POLG: variants seen among roughly 807,000 people sequenced by gnomAD.
The protein encoded by POLG is DNA polymerase subunit gamma-1.
Under a neutral mutation model 155.4 loss-of-function variants are expected in POLG, and 110 were observed. The ratio of observed to expected loss-of-function variants is 0.71; its 90% CI spans 0.61 to 0.83. The LOEUF is 0.83. Ranked by LOEUF, POLG falls within the 40% of genes least tolerant of loss-of-function variation. POLG has a pLI of 0.00. For synonymous variants in POLG, 701 were observed against 631.5 expected, an observed-to-expected ratio of 1.11 and a Z score of -1.65; for missense variants, 1,685 against 1,627.5, an observed-to-expected ratio of 1.04 and a Z score of -0.61.
At position 89,320,755 on chromosome 15, in the gene POLG, G is replaced by A; in HGVS notation, c.2981+11C>T. The A allele has an allele frequency of 1.2e-6, 2 of 1,612,268 alleles. No individual in the cohort carries two copies. Among genetic ancestry groups the A allele is most frequent in the Non-Finnish European group, 1.7e-6 (2 of 1,179,978 alleles). ...CCTGGGTGTTAAAGTGGATGGGAGA[G>A]GGACCCTCACCAGCGGAGGCCCTTG... On this transcript the variant is annotated intron_variant, in intron 18 of 22. Transcript: ENST00000268124.
In POLG at chr15:89,327,331, A is replaced by C; in HGVS notation, c.1269T>G (p.Thr423=). The C allele has an allele frequency of 6.2e-7, 1 of 1,613,804 alleles. No homozygotes were observed. The highest frequency in any genetic ancestry group is 8.5e-7 in the Non-Finnish European group (1 of 1,180,024). ...LFLERCPHPV[T]LAGMLEMGVS... Reference sequence around the variant, plus strand: ...CACCCATCTCCAGCATGCCGGCCAGAGTCACTGGGTGGGGACACCTTGGAG... The same window carrying C: ...CACCCATCTCCAGCATGCCGGCCAGCGTCACTGGGTGGGGACACCTTGGAG... The change falls in exon 7 of 23, where the codon ACT becomes ACG. Residue 423 remains threonine (T), a synonymous_variant. Coordinates refer to ENST00000268124, the MANE Select transcript of POLG (RefSeq NM_002693.3).
At chr15:89,327,126 C>T (rs780015003) in intron 7 of POLG, 41 bp downstream of exon 7, 4 of 1,614,040 alleles carry the variant, frequency 2.5e-6, no homozygotes. Flanking sequence ...GCCCACCTGC[C>T]AGTCCCCTGC....
rs200228134 is a variant in POLG at position 89,325,131 on chromosome 15, A to T, written c.1949+319T>A. 6.5e-3 allele frequency among the ~76,000 whole-genome samples: 291 copies of T among 44,534 alleles called. 26 individuals carry two copies. Among genetic ancestry groups the T allele is most frequent in the African/African-American group, 0.034 (188 of 5,556 alleles). The allele number at this position is 44,534 out of a possible 152,430, so 29.2% of individuals were successfully genotyped here. ...GAGAGAGAGTGAGTGAGTGAGTGAG[A>T]GAGTGAGTGAGAGAGTGAGTGAGTG... On this transcript the variant is annotated intron_variant, in intron 10 of 22. Transcript: ENST00000268124.
At chr15:89,328,078 T>C (rs1267479565) in intron 6 of POLG, among the ~76,000 whole-genome samples, 1 of 151,060 alleles carries the variant, frequency 6.6e-6, no homozygotes, top group Admixed American at 6.6e-5. Context: ...CCCTTCTTTT[T>C]TCTTTCCATA....
Position 89,325,506 on chromosome 15 carries a change from C to T in POLG, c.1893G>A (p.Leu631=), listed in dbSNP as rs1200249501. The T allele has an allele frequency of 1.9e-6, 3 of 1,610,624 alleles. No homozygotes were observed. Among genetic ancestry groups the T allele is most frequent in the Admixed American group, 3.3e-5 (2 of 60,000 alleles). The change falls in exon 10 of 23, where the codon CTG becomes CTA. Residue 631 remains leucine, a synonymous_variant. Transcript: ENST00000268124. ...GGGTGGTACCTGTCGGCAGCTTGGC[C>T]AGGTTGTCCCGCCGCCCAGGCACCA... ...GYLVPGRRDN[L]AKLPTGTTLE...
At chr15:89,329,187 T>A in intron 3 of POLG, 77 bp from the exon 4 acceptor site, 1 of 1,296,590 alleles carries the variant, frequency 7.7e-7, no homozygotes, top group South Asian at 1.2e-5. Flanking sequence ...TGCTTGGTGG[T>A]GTGGACCTCC....
rs577876203 is a variant in POLG at position 89,329,618 on chromosome 15, C to G, written c.855+463G>C. 5.3e-5 allele frequency among the ~76,000 whole-genome samples: 8 copies of G among 152,334 alleles called. No homozygotes were observed. The East Asian group carries it at 1.5e-3, about 29-fold the overall frequency. On this transcript the variant is annotated intron_variant, in intron 3 of 22. Transcript: ENST00000268124. ...ACACTTTTCATAAAATTAAGAATTG[C>G]CACTACTATACACCAGGCAGAGTGC...
At chr15:89,328,319 C>T (rs928655259) in intron 6 of POLG, 137 bp downstream of exon 6, 1 of 732,476 alleles carries the variant, frequency 1.4e-6, no homozygotes, top group Non-Finnish European at 2.5e-6. Context: ...CACCACTGAA[C>T]AGAAGGGCTC....
At chr15:89,334,439 C>T (rs993770917) in intron 1 of POLG, 2 of 151,154 alleles carry the variant, frequency 1.3e-5, no homozygotes, top group Admixed American at 6.6e-5. Flanking sequence ...GCCGCCGTCC[C>T]CCGGGACCCA....
At position 89,322,814 on chromosome 15, in the gene POLG, C is replaced by T. The variant is rs149058889; in HGVS notation, c.2354G>A (p.Gly785Asp). The T allele has an allele frequency of 4.3e-5, 70 of 1,614,018 alleles. No homozygotes were observed. Among genetic ancestry groups the T allele is most frequent in the Non-Finnish European group, 5.8e-5 (68 of 1,180,014 alleles). The change falls in exon 14 of 23, where the codon GGT becomes GAT. Residue 785 changes from glycine to aspartate, a missense_variant. Physicochemically the swap from Gly to Asp is moderately conservative, Grantham distance 94. Around this residue, in one of 3 missense-constraint regions of POLG, gnomAD observed 1,210 missense variants for 1,167.1 expected, o/e 1.04. Transcript: ENST00000268124. ...EDGTLQAGPG[G>D]ASGPRALEIN... is the part of the protein sequence containing the mutation. Reference sequence around the variant, plus strand: ...TTCCAGAGCACGGGGCCCACTGGCACCTCCTGGGCCAGCCTGCAGGGTGCC... The same window carrying T: ...TTCCAGAGCACGGGGCCCACTGGCATCTCCTGGGCCAGCCTGCAGGGTGCC...
chr15:89,323,884 G>C lies in POLG; in HGVS notation c.2088C>G (p.Tyr696Ter). Residue 696 changes from tyrosine (Y) to a stop codon, truncating the protein, a stop_gained, in exon 12 of 23, where the codon TAC becomes TAG. Transcript: ENST00000268124. LOFTEE classifies it high-confidence loss of function. ...AIWQTVEELD[Y>*]LEVEAEAKME... ...TCTTGGCCTCAGCCTCCACTTCTAA[G>C]TAATCCAGTTCTTCTACCTGGAGCA... 2 of 1,613,848 alleles carry C rather than the reference G, an allele frequency of 1.2e-6. No homozygotes were observed. Among genetic ancestry groups the C allele is most frequent in the Non-Finnish European group, 1.7e-6 (2 of 1,179,698 alleles).
intron 2 of POLG, among the ~76,000 whole-genome samples, chr15:89,332,577 G>C (rs2055607360): frequency 6.7e-6 from 1 of 149,030 alleles, no homozygotes; most frequent in Non-Finnish European, 1.5e-5. Context: ...CACCTCAAGG[G>C]GGCGTCTGGA....
At chr15:89,325,219 TGAGAGAGTGAGTGA>T (rs1567189847) in intron 10 of POLG, among the ~76,000 whole-genome samples, 2 of 40,268 alleles carry the variant, frequency 5.0e-5, no homozygotes, top group African/African-American at 2.0e-4. Flanking sequence ...AGTGAGTGAG[TGAGAGAGTGAGTGA>T]GAGAGTGAGT....
At position 89,318,596 on chromosome 15, in the gene POLG, C is replaced by T. The variant is rs765123635; in HGVS notation, c.3427G>A (p.Glu1143Lys). 6.2e-7 allele frequency: 1 copy of T among 1,614,126 alleles called. No homozygotes were observed. Among genetic ancestry groups the T allele is most frequent in the Non-Finnish European group, 8.5e-7 (1 of 1,180,010 alleles). ...AGGGCAGCGCGGTAGCGGTCCTCCT[C>T]CCGCACCAGGTAGCGAACCTCGTCA... ...IHDEVRYLVR[E>K]EDRYRAALAL... is the part of the protein sequence containing the mutation. The change falls in exon 21 of 23, where the codon GAG (glutamate) becomes AAG (lysine). Residue 1143 changes from glutamate to lysine, a missense_variant. This residue lies in a region of POLG where 470 missense variants were observed against 439.9 expected (regional missense o/e 1.07). Transcript: ENST00000268124.
chr15:89,325,069 T>TGAGTGAGTGAGTGAGTGAGTGAGTGAGA (rs2055460832), intron 10 of POLG, among the ~76,000 whole-genome samples: 1 of 86,732 alleles, frequency 1.2e-5, no homozygotes, highest in African/African-American at 6.7e-5. Context: ...AGTGAGTGAG[T>TGAGTGAGTGAGTGAGTGAGTGAGTGAGA]GAGTGAGTGA....
At chr15:89,325,055 A>AGTGAGTGG (rs2055457168) in intron 10 of POLG, among the ~76,000 whole-genome samples, 1 of 114,408 alleles carries the variant, frequency 8.7e-6, no homozygotes, top group African/African-American at 4.4e-5. Flanking sequence ...TGAGTGAGTG[A>AGTGAGTGG]GAGAGTGAGT....
In POLG at chr15:89,325,663, CG is replaced by C; in HGVS notation, c.1735del (p.Arg579GlyfsTer2). The C allele has an allele frequency of 6.2e-7, 1 of 1,609,926 alleles. No homozygotes were observed. ...HPGWYRKLCP[R>X]LDDPAWTPGP... ...CGGGGTCCATGCAGGGTCGTCTAGC[CG>C]GGGGCAGAGCTTCCGGTACCATCTA... On this transcript the variant is annotated frameshift_variant, in exon 10 of 23. Coordinates refer to ENST00000268124, the MANE Select transcript of POLG (RefSeq NM_002693.3). LOFTEE classifies it high-confidence loss of function.
Position 89,325,045 on chromosome 15 carries a change from T to TGAGTGAGTGAGTGAGAGAGTGAGA in POLG, c.1949+404_1949+405insTCTCACTCTCTCACTCACTCACTC. Among the ~76,000 whole-genome samples, 2 of 114,696 alleles carry TGAGTGAGTGAGTGAGAGAGTGAGA rather than the reference T, an allele frequency of 1.7e-5. 1 individual carries two copies. Among genetic ancestry groups the TGAGTGAGTGAGTGAGAGAGTGAGA allele is most frequent in the African/African-American group, 1.1e-4 (2 of 17,486 alleles). The allele number at this position is 114,696 out of a possible 152,430, so 75.2% of individuals were successfully genotyped here. A position where few individuals can be genotyped will look rare whatever the true frequency, so the allele number is the denominator to read the frequency against. On this transcript the variant is annotated intron_variant, in intron 10 of 22. Transcript: ENST00000268124. ...AAAAAACCTGAACCCAGAGAGTGAG[T>TGAGTGAGTGAGTGAGAGAGTGAGA]GAGTGAGTGAGAGAGTGAGTGAGTG...
In POLG at chr15:89,333,514, T is replaced by C. The variant is rs764544892; in HGVS notation, c.241A>G (p.Arg81Gly). 4 of 1,612,864 alleles carry C rather than the reference T, an allele frequency of 2.5e-6. No homozygotes were observed. Among genetic ancestry groups the C allele is most frequent in the Non-Finnish European group, 3.4e-6 (4 of 1,179,700 alleles). ...HNPLDIQMLS[R>G]GLHEQIFGQG... ...CCGAAGATTTGCTCGTGCAGCCCTC[T>C]CGAGAGCATCTGGATGTCCAATGGG... The change falls in exon 2 of 23, where the codon AGA becomes GGA. Residue 81 changes from arginine (R) to glycine (G), a missense_variant. Arg to Gly is a moderately radical substitution (Grantham distance 125). Around this residue, in one of 3 missense-constraint regions of POLG, gnomAD observed 1,210 missense variants for 1,167.1 expected, o/e 1.04. Transcript: ENST00000268124.
Sources: allele counts gnomAD v4.1 joint callset (sites outside exome capture counted in the v4.1 genomes callset), GRCh38; gene constraint gnomAD v4.1.1; regional missense constraint gnomAD v4.1.1; transcripts MANE v1.5; gene names NCBI Gene and HGNC (gene_info 2026-07-23, HGNC 2026-07-21).